ZNF200: variants seen among roughly 807,000 people sequenced by gnomAD.
ZNF200 encodes the protein zinc finger protein 200.
A neutral mutation model predicts 33.6 loss-of-function variants in ZNF200; 35 were observed. That is an observed-to-expected ratio of 1.04 (90% CI 0.80 to 1.38). The LOEUF is 1.38. ZNF200 is among the 40% of genes most tolerant of loss of function. The pLI, the probability that ZNF200 is intolerant of heterozygous loss-of-function variation, is 0.00. For synonymous variants in ZNF200, 209 were observed against 167.7 expected (o/e 1.25, Z -1.90); for missense variants, 592 against 470.6 (o/e 1.26, Z -2.39).
At chr16:3,230,593 A>G (rs1453606422) in intron 4 of ZNF200, among the ~76,000 whole-genome samples, 1 of 152,236 alleles carries the variant, frequency 6.6e-6, no homozygotes, top group African/African-American at 2.4e-5. Context: ...CTTGGCCAAC[A>G]CACACATTCT....
chr16:3,232,959 G>A, intron 2 of ZNF200, 38 bp from the exon 3 acceptor site: 1 of 1,581,850 alleles, frequency 6.3e-7, no homozygotes, highest in Non-Finnish European at 8.7e-7. Context: ...GAAAAACTCA[G>A]TGACTCTAAC....
chr16:3,232,844 CT>C lies in ZNF200; in HGVS notation c.327del (p.Ala110LeufsTer12). On this transcript the variant is annotated frameshift_variant, in exon 3 of 5. Coordinates refer to ENST00000414144, the MANE Select transcript of ZNF200 (RefSeq NM_198088.3). LOFTEE classifies it high-confidence loss of function. ...AAAACCAAACCCACCTCAGGGTTAG[CT>C]TTCAAATACAGAGACACTGTCTCTT... ...KEQETVSLYL[K>X]ANPEELVVFE... is the part of the protein sequence containing the mutation. The C allele has an allele frequency of 6.2e-7, 1 of 1,613,834 alleles. No individual in the cohort carries two copies. Among genetic ancestry groups the C allele is most frequent in the Non-Finnish European group, 8.5e-7 (1 of 1,179,826 alleles).
At chr16:3,232,965 C>G (rs1453163463) in intron 2 of ZNF200, 44 bp from the exon 3 acceptor site, 2 of 1,564,522 alleles carry the variant, frequency 1.3e-6, no homozygotes, top group Non-Finnish European at 1.8e-6. Flanking sequence ...CTCAGTGACT[C>G]TAACACAGAG....
In ZNF200 at chr16:3,222,833, CTG is replaced by C. The variant is rs1958362846; in HGVS notation, c.*1057_*1058del. ...CACTACAATGAAGACACCTGGAAAC[CTG>C]TCTCTTGAGAGGCAATGTGAGCTAA... is the stretch of plus-strand genomic sequence containing the variant. On this transcript the variant is annotated 3_prime_UTR_variant, in exon 5 of 5. Coordinates refer to ENST00000414144, the MANE Select transcript of ZNF200 (RefSeq NM_198088.3). The C allele has an allele frequency of 6.6e-6, 1 of 152,220 alleles. No individual in the cohort carries two copies. The highest frequency in any genetic ancestry group is 2.1e-4 in the South Asian group (1 of 4,834). 9.4% of individuals were successfully genotyped at this position (152,220 alleles called of 1,614,324 possible).
chr16:3,223,747 T>C lies in ZNF200; in HGVS notation c.*145A>G. 1 of 1,265,924 alleles carries C rather than the reference T, an allele frequency of 7.9e-7. No individual in the cohort carries two copies. Among genetic ancestry groups the C allele is most frequent in the Non-Finnish European group, 1.1e-6 (1 of 932,366 alleles). 78.4% of individuals were successfully genotyped at this position (1,265,924 alleles called of 1,614,324 possible). A position where few individuals can be genotyped will look rare whatever the true frequency, so the allele number is the denominator to read the frequency against. Reference sequence around the variant, plus strand: ...TGAATTTTCTAGCAATTTGAGGTTTTAGCTAAGATGGGCATTTATCCAATT... The same window carrying C: ...TGAATTTTCTAGCAATTTGAGGTTTCAGCTAAGATGGGCATTTATCCAATT... On this transcript the variant is annotated 3_prime_UTR_variant, in exon 5 of 5. Transcript: ENST00000414144.
At chr16:3,233,020 G>A in intron 2 of ZNF200, 99 bp from the exon 3 acceptor site, 2 of 1,042,638 alleles carry the variant, frequency 1.9e-6, no homozygotes, top group Admixed American at 2.1e-5. Context: ...CCTTTGACAG[G>A]TAACTCATGG....
intron 4 of ZNF200, among the ~76,000 whole-genome samples, chr16:3,229,182 T>C (rs965259577): frequency 7.0e-6 from 1 of 143,478 alleles, no homozygotes; most frequent in Non-Finnish European, 1.6e-5. Flanking sequence ...TGAGCATCCA[T>C]GGATTTTGGT....
Position 3,233,653 on chromosome 16 carries a change from C to A in ZNF200, c.103G>T (p.Ala35Ser), listed in dbSNP as rs1204544459. ...SKLGQDLLRD[A>S]TNGPKTIHQL... The stretch of plus-strand genomic sequence containing the variant: ...TGGATGGTCTTGGGCCCGTTAGTGG[C>A]ATCTCGAAGTAGGTCTTGGCCCAGC... Residue 35 changes from alanine to serine, a missense_variant, in exon 2 of 5, where the codon GCC (alanine) becomes TCC (serine). Transcript: ENST00000414144. The A allele has an allele frequency of 6.2e-7, 1 of 1,613,944 alleles. No individual in the cohort carries two copies. Among genetic ancestry groups the A allele is most frequent in the Non-Finnish European group, 8.5e-7 (1 of 1,179,998 alleles).
At position 3,233,641 on chromosome 16, in the gene ZNF200, G is replaced by T; in HGVS notation, c.115C>A (p.Pro39Thr). 1 of 1,613,934 alleles carries T rather than the reference G, an allele frequency of 6.2e-7. No individual in the cohort carries two copies. Among genetic ancestry groups the T allele is most frequent in the Non-Finnish European group, 8.5e-7 (1 of 1,179,998 alleles). ...QDLLRDATNG[P>T]KTIHQLVLEH... ...AGCACTAGCTGGTGGATGGTCTTGG[G>T]CCCGTTAGTGGCATCTCGAAGTAGG... The change falls in exon 2 of 5, where the codon CCC becomes ACC. Residue 39 changes from proline (P) to threonine (T), a missense_variant. Physicochemically the swap from Pro to Thr is conservative, Grantham distance 38. Transcript: ENST00000414144.
chr16:3,232,844 C>T lies in ZNF200; in HGVS notation c.328G>A (p.Ala110Thr). 1.2e-6 allele frequency: 2 copies of T among 1,613,832 alleles called. No individual in the cohort carries two copies. Among genetic ancestry groups the T allele is most frequent in the East Asian group, 2.2e-5 (1 of 44,892 alleles). ...AAAACCAAACCCACCTCAGGGTTAG[C>T]TTTCAAATACAGAGACACTGTCTCT... Reference protein sequence around the residue: ...EQETVSLYLKANPEELVVFED... With the variant: ...EQETVSLYLKTNPEELVVFED... Residue 110 changes from alanine to threonine, a missense_variant, in exon 3 of 5, where the codon GCT becomes ACT. By Grantham distance (58) the Ala-to-Thr change is moderately conservative (BLOSUM62 0). Coordinates refer to ENST00000414144, the MANE Select transcript of ZNF200 (RefSeq NM_198088.3).
chr16:3,232,981 C>G (rs868556773), intron 2 of ZNF200, 60 bp from the exon 3 acceptor site: 8 of 1,487,358 alleles, frequency 5.4e-6, no homozygotes, highest in Middle Eastern at 1.8e-4. Flanking sequence ...CAGAGACTCC[C>G]CATACCGCGA....
Position 3,233,863 on chromosome 16 carries a change from C to G in ZNF200, c.-81-27G>C, listed in dbSNP as rs1726413588. ...TGTAGACAGAGAAACCAGGGATTAC[C>G]CAAAAGACCAGGCACGGCATTACTG... is the stretch of plus-strand genomic sequence containing the variant. On this transcript the variant is annotated intron_variant, in intron 1 of 4. Coordinates refer to ENST00000414144, the MANE Select transcript of ZNF200 (RefSeq NM_198088.3). The G allele has an allele frequency of 8.0e-6, 12 of 1,497,444 alleles. No homozygotes were observed. The South Asian group carries it at 1.4e-4, about 17-fold the overall frequency. The allele number at this position is 1,497,444 out of a possible 1,614,324, so 92.8% of individuals were successfully genotyped here.
At position 3,222,652 on chromosome 16, in the gene ZNF200, A is replaced by C. The variant is rs955438294; in HGVS notation, c.*1240T>G. 2 of 152,218 alleles carry C rather than the reference A, an allele frequency of 1.3e-5. No homozygotes were observed. Among genetic ancestry groups the C allele is most frequent in the African/African-American group, 4.8e-5 (2 of 41,446 alleles). 9.4% of individuals were successfully genotyped at this position (152,218 alleles called of 1,614,324 possible). On this transcript the variant is annotated 3_prime_UTR_variant, in exon 5 of 5. Transcript: ENST00000414144. Reference sequence around the variant, plus strand: ...TTATAGGATTTCTTTATTCCAATCAAAACACCAATGTATAACTTTTGGAAA... The same window carrying C: ...TTATAGGATTTCTTTATTCCAATCACAACACCAATGTATAACTTTTGGAAA...
Position 3,226,047 on chromosome 16 carries a change from C to CTTTT in ZNF200, c.467-1435_467-1434insAAAA, listed in dbSNP as rs1178922643. 2 of 39,496 alleles carry CTTTT rather than the reference C, an allele frequency of 5.1e-5. 1 individual carries two copies. The highest frequency in any genetic ancestry group is 1.0e-4 in the Non-Finnish European group (2 of 19,172). The allele number at this position is 39,496 out of a possible 1,614,324, so 2.4% of individuals were successfully genotyped here. ...CCACACCCAGCCTTAATTATTTTTT[C>CTTTT]TTTCTTTTTTTTTTTTTTTTTTTGA... is the stretch of plus-strand genomic sequence containing the variant. On this transcript the variant is annotated intron_variant, in intron 4 of 4. Transcript: ENST00000414144.
At chr16:3,234,491 A>G (rs1958744921) in intron 1 of ZNF200, 1 of 152,118 alleles carries the variant, frequency 6.6e-6, no homozygotes, top group Admixed American at 6.6e-5. Flanking sequence ...AAAGACAGAA[A>G]GAAAGACGGT....
rs1177098260 is a variant in ZNF200, at chr16:3,233,577, A to T, written c.179T>A (p.Val60Asp). 1 of 1,611,450 alleles carries T rather than the reference A, an allele frequency of 6.2e-7. No homozygotes were observed. Among genetic ancestry groups the T allele is most frequent in the South Asian group, 1.1e-5 (1 of 90,816 alleles). Reference sequence around the variant, plus strand: ...CTCCTTGACTTTCTGACTGGGCTGGACCAGGCTTGGCTTGGGCAAGAAGGT... The same window carrying T: ...CTCCTTGACTTTCTGACTGGGCTGGTCCAGGCTTGGCTTGGGCAAGAAGGT... ...FLTFLPKPSL[V>D]QPSQKVKETL... Residue 60 changes from valine to aspartate, a missense_variant, in exon 2 of 5, where the codon GTC (valine) becomes GAC (aspartate). Coordinates refer to ENST00000414144, the MANE Select transcript of ZNF200 (RefSeq NM_198088.3).
chr16:3,231,277 T>G (rs1958628608), intron 4 of ZNF200, among the ~76,000 whole-genome samples: 1 of 152,188 alleles, frequency 6.6e-6, no homozygotes, highest in African/African-American at 2.4e-5. Flanking sequence ...TCTGATCTTT[T>G]TATCCTTTTC....
intron 4 of ZNF200, 130 bp from the exon 5 acceptor site, chr16:3,224,743 A>G: frequency 8.5e-7 from 1 of 1,179,664 alleles, no homozygotes; most frequent in Non-Finnish European, 1.2e-6. Flanking sequence ...CTGCCGTCGC[A>G]CTCCTTTTCC....
chr16:3,233,537 C>CATAATAATA lies in ZNF200; in HGVS notation c.218_219insTATTATTAT (p.Ile72_Met73insIleIleIle). 6.3e-7 allele frequency: 1 copy of CATAATAATA among 1,576,916 alleles called. No homozygotes were observed. ...TCTGAAGGCTTGAGCTCACATCTTTCATAATAACCAAGGTCTCCTTGACTT... is the reference window on the plus strand; with the variant it reads ...TCTGAAGGCTTGAGCTCACATCTTTCATAATAATAATAATAACCAAGGTCTCCTTGACTT... On this transcript the variant is annotated inframe_insertion, in exon 2 of 5. Coordinates refer to ENST00000414144, the MANE Select transcript of ZNF200 (RefSeq NM_198088.3).
Sources: gnomAD v4.1 joint callset for allele counts (sites outside exome capture counted in the v4.1 genomes callset) on GRCh38, gnomAD v4.1.1 for gene constraint, MANE v1.5 for transcripts, NCBI Gene and HGNC (gene_info 2026-07-23, HGNC 2026-07-21) for gene names.